PTP4A3: variants seen among roughly 807,000 people sequenced by gnomAD.
PTP4A3 encodes protein tyrosine phosphatase 4A3, also known as protein tyrosine phosphatase type IVA 3.
In PTP4A3, 9 loss-of-function variants were observed where a neutral mutation model predicts 15.2. That is an observed-to-expected ratio of 0.59 (90% confidence interval 0.36 to 1.03). The LOEUF (loss-of-function observed/expected upper bound fraction) is 1.03. PTP4A3 is among the 50% of genes least tolerant of loss of function. PTP4A3 has a pLI of 0.02. For missense variants in PTP4A3, 234 were observed against 252.1 expected (o/e 0.93, Z 0.49); for synonymous variants, 95 against 102.0 (o/e 0.93, Z 0.41).
intron 5 of PTP4A3, 47 bp from the exon 6 acceptor site, chr8:141,430,880 C>G (rs368300956): frequency 1.3e-6 from 2 of 1,593,412 alleles, no homozygotes; most frequent in Non-Finnish European, 1.7e-6. Flanking sequence ...GTGAGATGGC[C>G]GAGCCAGGTC....
intron 1 of PTP4A3, among the ~76,000 whole-genome samples, chr8:141,410,379 G>A (rs77338019): frequency 0.029 from 4,405 of 152,342 alleles, 213 homozygotes; most frequent in African/African-American, 0.1. Context: ...TGGCTCTGAG[G>A]TCCCCACATC....
Position 141,403,361 on chromosome 8 carries a change from G to C in PTP4A3, c.-854+11277G>C, listed in dbSNP as rs1340866516. Among the ~76,000 whole-genome samples, 3 of 152,200 alleles carry C rather than the reference G, an allele frequency of 2.0e-5. No individual in the cohort carries two copies. In the South Asian group the frequency reaches 6.2e-4, roughly 31 times the overall value. Reference sequence around the variant, plus strand: ...GGGATTCTGGGGGAGGCTCTGGTCTGAGAGTCCCGAGCCTGGGGAGATGGC... The same window carrying C: ...GGGATTCTGGGGGAGGCTCTGGTCTCAGAGTCCCGAGCCTGGGGAGATGGC... On this transcript the variant is annotated intron_variant, in intron 1 of 5. Transcript: ENST00000521578.
At chr8:141,419,903 A>G (rs73370159) in intron 1 of PTP4A3, among the ~76,000 whole-genome samples, 9,775 of 152,196 alleles carry the variant, frequency 0.064, 1,089 homozygotes, top group African/African-American at 0.22. Flanking sequence ...TAACCTTCCC[A>G]GAACCATGCA....
At chr8:141,415,765 TGTGGG>T (rs1697285702) in intron 1 of PTP4A3, among the ~76,000 whole-genome samples, 1 of 3,780 alleles carries the variant, frequency 2.6e-4, no homozygotes, top group Admixed American at 3.2e-3. Context: ...GGGGAGAGGG[TGTGGG>T]GTGGGGTGGG....
At chr8:141,427,592 A>G (rs1160817693) in intron 4 of PTP4A3, among the ~76,000 whole-genome samples, 158 bp from the exon 5 acceptor site, 2 of 152,210 alleles carry the variant, frequency 1.3e-5, no homozygotes, top group African/African-American at 4.8e-5. Flanking sequence ...CCCAGTGCTC[A>G]GGCTGGGCTG....
chr8:141,420,738 G>A (rs964783417), intron 1 of PTP4A3, among the ~76,000 whole-genome samples: 1 of 152,234 alleles, frequency 6.6e-6, no homozygotes, highest in Non-Finnish European at 1.5e-5. Context: ...CACAGTGGCG[G>A]GGGGACACTG....
chr8:141,431,670 G>A lies in PTP4A3; in HGVS notation c.*626G>A, dbSNP rs1833883419. On this transcript the variant is annotated 3_prime_UTR_variant, in exon 6 of 6. Coordinates refer to ENST00000521578, the MANE Select transcript of PTP4A3 (RefSeq NM_032611.3). ...CCTCTGGTGGCCGCTCTGGGTCCTTGCACCCCGACCCAGGGGCCAGCCTGC... is the reference window on the plus strand; with the variant it reads ...CCTCTGGTGGCCGCTCTGGGTCCTTACACCCCGACCCAGGGGCCAGCCTGC... 1 of 152,644 alleles carries A rather than the reference G, an allele frequency of 6.6e-6. No homozygotes were observed. Among genetic ancestry groups the A allele is most frequent in the Non-Finnish European group, 1.5e-5 (1 of 68,326 alleles). 9.5% of individuals were successfully genotyped at this position (152,644 alleles called of 1,614,324 possible). A position where few individuals can be genotyped will look rare whatever the true frequency, so the allele number is the denominator to read the frequency against.
Position 141,431,271 on chromosome 8 carries a change from C to G in PTP4A3, c.*227C>G, listed in dbSNP as rs1248551411. 12 of 569,606 alleles carry G rather than the reference C, an allele frequency of 2.1e-5. No individual in the cohort carries two copies. The highest frequency in any genetic ancestry group is 3.7e-5 in the Non-Finnish European group (12 of 322,082). 35.3% of individuals were successfully genotyped at this position (569,606 alleles called of 1,614,324 possible). ...CTTTCTCCTGTCTCCGCCACTCCCTCTGGCGGCGCTGGCCGTGGCTCTGTC... is the reference window on the plus strand; with the variant it reads ...CTTTCTCCTGTCTCCGCCACTCCCTGTGGCGGCGCTGGCCGTGGCTCTGTC... On this transcript the variant is annotated 3_prime_UTR_variant, in exon 6 of 6. Coordinates refer to ENST00000521578, the MANE Select transcript of PTP4A3 (RefSeq NM_032611.3).
At chr8:141,420,207 G>A (rs1361955778) in intron 1 of PTP4A3, among the ~76,000 whole-genome samples, 3 of 152,194 alleles carry the variant, frequency 2.0e-5, no homozygotes, top group African/African-American at 7.2e-5. Flanking sequence ...CTTTCCTTGG[G>A]TAGCAGGCAG....
intron 3 of PTP4A3, among the ~76,000 whole-genome samples, chr8:141,426,073 C>A (rs777976408): frequency 1.3e-5 from 2 of 152,224 alleles, no homozygotes; most frequent in Non-Finnish European, 2.9e-5. Flanking sequence ...ACGTAAGTAG[C>A]CGTGACACCG....
At chr8:141,420,165 AG>A (rs1173854541) in intron 1 of PTP4A3, among the ~76,000 whole-genome samples, 3 of 151,984 alleles carry the variant, frequency 2.0e-5, no homozygotes, top group Non-Finnish European at 2.9e-5. Flanking sequence ...TGGGGAATGG[AG>A]GGCTCTGCTG....
At chr8:141,393,538 G>T (rs1401311003) in intron 1 of PTP4A3, among the ~76,000 whole-genome samples, 1 of 152,248 alleles carries the variant, frequency 6.6e-6, no homozygotes, top group Non-Finnish European at 1.5e-5. Flanking sequence ...GGCATGGCTG[G>T]CTGGCTGAGC....
At chr8:141,396,195 G>C (rs1384888232) in intron 1 of PTP4A3, among the ~76,000 whole-genome samples, 1 of 152,214 alleles carries the variant, frequency 6.6e-6, no homozygotes, top group Non-Finnish European at 1.5e-5. Context: ...GACCGTGATG[G>C]ACTCATACGT....
Position 141,425,195 on chromosome 8 carries a change from G to A in PTP4A3, c.198+55G>A. The A allele has an allele frequency of 7.4e-7, 1 of 1,353,052 alleles. No homozygotes were observed. 83.8% of individuals were successfully genotyped at this position (1,353,052 alleles called of 1,614,324 possible). A position where few individuals can be genotyped will look rare whatever the true frequency, so the allele number is the denominator to read the frequency against. ...ACTGCTGCCACCGGGGGAGGGTGGG[G>A]CGGGGGGCTCCGGGCCTGCGCAGAG... On this transcript the variant is annotated intron_variant, in intron 3 of 5. Coordinates refer to ENST00000521578, the MANE Select transcript of PTP4A3 (RefSeq NM_032611.3). The surrounding 1 kb of genome is among the most constrained non-coding windows in gnomAD (Gnocchi z 4.2).
Position 141,425,165 on chromosome 8 carries a change from T to C in PTP4A3, c.198+25T>C, listed in dbSNP as rs1456777810. ...GGTGAGGCGCGCGCCACGGGGACCC[T>C]AGTCACTGCTGCCACCGGGGGAGGG... On this transcript the variant is annotated intron_variant, in intron 3 of 5. Coordinates refer to ENST00000521578, the MANE Select transcript of PTP4A3 (RefSeq NM_032611.3). The surrounding 1 kb of genome is among the most constrained non-coding windows in gnomAD (Gnocchi z 4.2). 1 of 1,074,800 alleles carries C rather than the reference T, an allele frequency of 9.3e-7. No individual in the cohort carries two copies. Among genetic ancestry groups the C allele is most frequent in the South Asian group, 1.2e-5 (1 of 80,624 alleles). The allele number at this position is 1,074,800 out of a possible 1,614,324, so 66.6% of individuals were successfully genotyped here.
At chr8:141,419,734 G>T (rs1833239977) in intron 1 of PTP4A3, among the ~76,000 whole-genome samples, 1 of 152,068 alleles carries the variant, frequency 6.6e-6, no homozygotes, top group African/African-American at 2.4e-5. Flanking sequence ...TCCATGCCTG[G>T]CTCATTTTTT....
chr8:141,426,018 A>G (rs1180315271), intron 3 of PTP4A3, among the ~76,000 whole-genome samples: 1 of 152,120 alleles, frequency 6.6e-6, no homozygotes, highest in Non-Finnish European at 1.5e-5. Context: ...GGGTGCGCCC[A>G]CACCCTCCCT....
rs1333018540 is a variant in PTP4A3 at position 141,401,990 on chromosome 8, C to T, written c.-854+9906C>T. ...GCCCCGTGATGCCAGGGCCATTCCT[C>T]CAGCTCCCGGGATCCCACACCTCCC... On this transcript the variant is annotated intron_variant, in intron 1 of 5. Transcript: ENST00000521578. Among the ~76,000 whole-genome samples the T allele has an allele frequency of 2.0e-5, 3 of 152,318 alleles. 1 individual carries two copies. In the South Asian group the frequency reaches 6.2e-4, roughly 32 times the overall value.
At chr8:141,404,072 G>A (rs2129867420) in intron 1 of PTP4A3, among the ~76,000 whole-genome samples, 1 of 152,372 alleles carries the variant, frequency 6.6e-6, no homozygotes, top group East Asian at 1.9e-4. Context: ...CTCAGCCAGG[G>A]CCACGGCGAC....
Sources: allele counts gnomAD v4.1 joint callset (sites outside exome capture counted in the v4.1 genomes callset), GRCh38; gene constraint gnomAD v4.1.1; non-coding constraint Gnocchi (gnomAD v3.1); transcripts MANE v1.5; gene names NCBI Gene and HGNC (gene_info 2026-07-23, HGNC 2026-07-21).